GPD2: variants seen among roughly 807,000 people sequenced by gnomAD.
GPD2 encodes glycerol-3-phosphate dehydrogenase, mitochondrial.
A neutral mutation model predicts 82.4 loss-of-function variants in GPD2; 54 were observed. The ratio of observed to expected loss-of-function variants is 0.66; its 90% CI spans 0.53 to 0.82. The LOEUF (loss-of-function observed/expected upper bound fraction) is 0.82, where lower values mean the gene tolerates loss of function less well. Among genes scored for constraint, GPD2 ranks in the 40% least tolerant of loss-of-function variants. GPD2 has a pLI of 0.00. For synonymous variants in GPD2, 288 were observed against 306.1 expected (o/e 0.94, Z 0.62); for missense variants, 748 against 896.2 (o/e 0.83, Z 2.11).
At chr2:156,541,824 G>GTTTTTTTTTTTTTTT (rs61067726) in intron 6 of GPD2, among the ~76,000 whole-genome samples, 5 of 81,468 alleles carry the variant, frequency 6.1e-5, no homozygotes, top group Non-Finnish European at 6.5e-5. Context: ...AATGCTGTTT[G>GTTTTTTTTTTTTTTT]TTTTTTTTTT....
intron 13 of GPD2, among the ~76,000 whole-genome samples, chr2:156,577,107 G>C (rs1291471083): frequency 6.6e-6 from 1 of 152,002 alleles, no homozygotes; most frequent in Non-Finnish European, 1.5e-5. Flanking sequence ...TTTTAATTTT[G>C]TTATTTAAGA....
chr2:156,520,783 A>C (rs1280454770), intron 6 of GPD2, among the ~76,000 whole-genome samples: 2 of 151,810 alleles, frequency 1.3e-5, no homozygotes, highest in African/African-American at 2.4e-5. Flanking sequence ...ATGGGGTTTC[A>C]CCATGTTGCC....
chr2:156,489,698 T>C (rs933825462), intron 2 of GPD2, among the ~76,000 whole-genome samples: 3 of 105,970 alleles, frequency 2.8e-5, no homozygotes, highest in African/African-American at 1.2e-4. Flanking sequence ...CTTCCTTCCT[T>C]CCTTCCTTCC....
intron 2 of GPD2, among the ~76,000 whole-genome samples, chr2:156,484,825 G>C (rs1488416690): frequency 6.6e-6 from 1 of 152,182 alleles, no homozygotes; most frequent in Non-Finnish European, 1.5e-5. Context: ...GGGCAACACA[G>C]TGAGACTGCA....
chr2:156,516,279 G>A (rs1685192924), intron 6 of GPD2, among the ~76,000 whole-genome samples: 1 of 152,036 alleles, frequency 6.6e-6, no homozygotes. Context: ...AAATAATGTT[G>A]AATTTACTTT....
intron 6 of GPD2, among the ~76,000 whole-genome samples, chr2:156,524,818 GT>G (rs901665538): frequency 3.9e-5 from 6 of 152,252 alleles, no homozygotes; most frequent in Admixed American, 1.3e-4. Flanking sequence ...AGATCAAATT[GT>G]TTTGTCAAAA....
chr2:156,552,894 C>CTTTTTTTTT (rs771404828), intron 8 of GPD2, among the ~76,000 whole-genome samples: 5 of 107,358 alleles, frequency 4.7e-5, no homozygotes, highest in African/African-American at 1.1e-4. Flanking sequence ...TTCCTTATAT[C>CTTTTTTTTT]TTTTTTTTTT....
At chr2:156,528,241 A>G (rs912389771) in intron 6 of GPD2, among the ~76,000 whole-genome samples, 3 of 152,036 alleles carry the variant, frequency 2.0e-5, no homozygotes, top group South Asian at 2.1e-4. Context: ...AAACATGTCT[A>G]TTATATAAAG....
chr2:156,570,893 T>A (rs140834952), intron 12 of GPD2, among the ~76,000 whole-genome samples: 1 of 152,288 alleles, frequency 6.6e-6, no homozygotes, highest in Non-Finnish European at 1.5e-5. Flanking sequence ...TATGCCAGGT[T>A]CTATTCAGGA....
chr2:156,523,696 A>G (rs1045613937), intron 6 of GPD2, among the ~76,000 whole-genome samples: 5 of 152,062 alleles, frequency 3.3e-5, no homozygotes, highest in African/African-American at 1.2e-4. Flanking sequence ...ATAGATAGAT[A>G]GATAGATAGA....
chr2:156,454,493 G>A (rs200828949), intron 1 of GPD2, among the ~76,000 whole-genome samples: 3 of 148,582 alleles, frequency 2.0e-5, no homozygotes, highest in Admixed American at 6.7e-5. Flanking sequence ...CTATCTCTAT[G>A]AAAAAAAAAA....
chr2:156,470,385 G>C (rs1453288454), intron 1 of GPD2, among the ~76,000 whole-genome samples: 1 of 152,104 alleles, frequency 6.6e-6, no homozygotes, highest in African/African-American at 2.4e-5. Context: ...CTTTAATAGA[G>C]ATGGAGTCTT....
In GPD2 at chr2:156,578,974, T is replaced by C; in HGVS notation, c.1853T>C (p.Ile618Thr). 6.2e-7 allele frequency: 1 copy of C among 1,607,052 alleles called. No homozygotes were observed. The highest frequency in any genetic ancestry group is 8.5e-7 in the Non-Finnish European group (1 of 1,173,682). ...GAACAGTTAACAGATCGCTCTGAAA[T>C]TAGCCTACTGCCTTCAGACATTGAC... The part of the protein sequence containing the change: ...RSEQLTDRSE[I>T]SLLPSDIDRY... The change falls in exon 14 of 17, where the codon ATT becomes ACT. Residue 618 changes from isoleucine (I) to threonine (T), a missense_variant. Ile to Thr is a moderately conservative substitution (Grantham distance 89). Coordinates refer to ENST00000438166, the MANE Select transcript of GPD2 (RefSeq NM_000408.5).
intron 1 of GPD2, among the ~76,000 whole-genome samples, chr2:156,444,920 A>T (rs975617147): frequency 3.9e-5 from 6 of 151,928 alleles, no homozygotes; most frequent in African/African-American, 1.2e-4. Context: ...TGGCTAATTT[A>T]AAAAAAATTC....
rs1299109322 is a variant in GPD2, at chr2:156,586,300, A to G, written c.*3382A>G. On this transcript the variant is annotated 3_prime_UTR_variant, in exon 17 of 17. Coordinates refer to ENST00000438166, the MANE Select transcript of GPD2 (RefSeq NM_000408.5). ...ACAGAGATAGATGTAATTTTATAAG[A>G]CTGCCAGAATTATTTGTATTAATTT... The G allele has an allele frequency of 2.0e-5, 3 of 152,278 alleles. No individual in the cohort carries two copies. Among genetic ancestry groups the G allele is most frequent in the African/African-American group, 7.2e-5 (3 of 41,422 alleles). 9.4% of individuals were successfully genotyped at this position (152,278 alleles called of 1,614,324 possible).
intron 5 of GPD2, among the ~76,000 whole-genome samples, chr2:156,512,728 C>T (rs558863364): frequency 1.0e-3 from 157 of 152,048 alleles, no homozygotes; most frequent in African/African-American, 3.6e-3. Context: ...AGTCATGTTA[C>T]GTGTCTGAGT....
chr2:156,465,601 C>T (rs114245179), intron 1 of GPD2, among the ~76,000 whole-genome samples: 1 of 152,156 alleles, frequency 6.6e-6, no homozygotes, highest in African/African-American at 2.4e-5. Flanking sequence ...CTCAAGGGGT[C>T]CTCCTGCCTG....
chr2:156,518,268 T>C (rs1184945158), intron 6 of GPD2, among the ~76,000 whole-genome samples: 2 of 152,158 alleles, frequency 1.3e-5, no homozygotes, highest in Non-Finnish European at 2.9e-5. Flanking sequence ...ACCTCAGCTA[T>C]AATCCCTGGC....
At chr2:156,534,060 T>C (rs189262437) in intron 6 of GPD2, among the ~76,000 whole-genome samples, 140 of 152,300 alleles carry the variant, frequency 9.2e-4, no homozygotes, top group African/African-American at 3.2e-3. Flanking sequence ...CACAGACAAA[T>C]TGAAGGATGG....
Sources: gnomAD v4.1 joint callset for allele counts (sites outside exome capture counted in the v4.1 genomes callset) on GRCh38, gnomAD v4.1.1 for gene constraint, MANE v1.5 for transcripts, NCBI Gene and HGNC (gene_info 2026-07-23, HGNC 2026-07-21) for gene names.